PYY: variants seen among roughly 807,000 people sequenced by gnomAD.
The protein encoded by PYY is peptide tyrosine tyrosine.
PYY carries 12 observed loss-of-function variants against 10.3 expected under a neutral mutation model. That is an observed-to-expected ratio of 1.17 (90% CI 0.75 to 1.89). The LOEUF (loss-of-function observed/expected upper bound fraction) is 1.89. Ranked by LOEUF, PYY falls within the 40% of genes most tolerant of loss-of-function variation. PYY has a pLI of 0.00. For synonymous variants in PYY, 66 were observed against 62.0 expected, an observed-to-expected ratio of 1.06 and a Z score of -0.30; for missense variants, 141 against 134.0, an observed-to-expected ratio of 1.05 and a Z score of -0.26.
At chr17:43,956,672 A>C (rs1410807935), upstream of PYY, among the ~76,000 whole-genome samples, 1 of 152,136 alleles carries the variant, frequency 6.6e-6, no homozygotes, top group Non-Finnish European at 1.5e-5. Flanking sequence ...GACCCCAGCC[A>C]ACAATTCTCC....
chr17:43,986,786 T>A (rs1031704321), intron 1 of PYY, among the ~76,000 whole-genome samples: 1 of 152,210 alleles, frequency 6.6e-6, no homozygotes, highest in Non-Finnish European at 1.5e-5. Flanking sequence ...TCTGCCCACA[T>A]ACCTGCTGAC....
upstream of PYY, among the ~76,000 whole-genome samples, chr17:43,957,677 A>G (rs1468082042): frequency 1.3e-5 from 2 of 152,066 alleles, no homozygotes; most frequent in Non-Finnish European, 2.9e-5. Context: ...ATAAATACAT[A>G]AATAAATAAA....
At chr17:43,969,740 CA>C (rs1037929576) in intron 1 of PYY, among the ~76,000 whole-genome samples, 1 of 88,608 alleles carries the variant, frequency 1.1e-5, no homozygotes, top group Non-Finnish European at 2.1e-5. Context: ...CCTGTCTCTA[CA>C]AAAAAAACTT....
At position 43,963,574 on chromosome 17, in the gene PYY, G is replaced by GAA. The variant is rs1555617081; in HGVS notation, c.-218+2712_-218+2713dup. On this transcript the variant is annotated intron_variant, in intron 2 of 6. Coordinates refer to the PYY transcript ENST00000360085. ...GAAGGAAGGAAGGAAGGAAGGAAAA[G>GAA]AAAGAAAGAAAGAAAGAAAGAAAGA... Among the ~76,000 whole-genome samples, 22 of 51,338 alleles carry GAA rather than the reference G, an allele frequency of 4.3e-4. No homozygotes were observed. The South Asian group carries it at 0.015, about 36-fold the overall frequency. 33.7% of individuals were successfully genotyped at this position (51,338 alleles called of 152,430 possible).
chr17:43,975,625 G>T (rs997510351), intron 1 of PYY, among the ~76,000 whole-genome samples: 9 of 150,676 alleles, frequency 6.0e-5, no homozygotes, highest in African/African-American at 2.2e-4. Context: ...AGGCTGAGGC[G>T]GGACAATCAC....
intron 1 of PYY, among the ~76,000 whole-genome samples, chr17:43,979,030 C>A (rs982863669): frequency 6.6e-6 from 1 of 152,124 alleles, no homozygotes; most frequent in African/African-American, 2.4e-5. Flanking sequence ...TTGGGCCATG[C>A]GATGAGTGTC....
At chr17:43,983,902 T>C (rs964787229) in intron 1 of PYY, among the ~76,000 whole-genome samples, 1 of 152,184 alleles carries the variant, frequency 6.6e-6, no homozygotes, top group Non-Finnish European at 1.5e-5. Context: ...GGGCTGAGTG[T>C]TCCGAGGCGA....
intron 1 of PYY, among the ~76,000 whole-genome samples, chr17:44,001,210 G>A (rs1025751680): frequency 1.3e-5 from 2 of 152,134 alleles, no homozygotes; most frequent in African/African-American, 4.8e-5. Flanking sequence ...CGGCCAAGAA[G>A]GGCTGTATTG....
chr17:43,982,215 AC>A (rs1479278128), intron 1 of PYY, among the ~76,000 whole-genome samples: 1 of 152,128 alleles, frequency 6.6e-6, no homozygotes, highest in Non-Finnish European at 1.5e-5. Context: ...GCTAGTAAGC[AC>A]CCCCATTTCA....
intron 1 of PYY, among the ~76,000 whole-genome samples, chr17:43,985,280 A>G (rs184397926): frequency 1.2e-3 from 187 of 152,286 alleles, no homozygotes; most frequent in Middle Eastern, 3.4e-3. Flanking sequence ...GCGTGATCAT[A>G]GCTCATTGCA....
intron 1 of PYY, among the ~76,000 whole-genome samples, chr17:43,969,989 G>T (rs1471451033): frequency 1.3e-5 from 2 of 151,714 alleles, no homozygotes; most frequent in Admixed American, 6.6e-5. Flanking sequence ...TGATACATCT[G>T]CCACGGCCTC....
upstream of PYY, among the ~76,000 whole-genome samples, chr17:43,957,472 A>C (rs1312253678): frequency 6.6e-6 from 1 of 152,174 alleles, no homozygotes; most frequent in African/African-American, 2.4e-5. Context: ...AGCCTGGTCA[A>C]CATGGTGAAA....
chr17:43,986,072 C>T (rs573878887), intron 1 of PYY, among the ~76,000 whole-genome samples: 30 of 152,178 alleles, frequency 2.0e-4, no homozygotes, highest in African/African-American at 6.7e-4. Context: ...CTAGCCTGAC[C>T]AACATGGTGA....
intron 2 of PYY, among the ~76,000 whole-genome samples, chr17:43,965,789 C>CAA (rs67609128): frequency 0.038 from 1,207 of 31,494 alleles, 11 homozygotes; most frequent in Non-Finnish European, 0.044. Flanking sequence ...ATCCATCTCA[C>CAA]AAAAAAAAAA....
chr17:43,984,420 T>C (rs1270742204), intron 1 of PYY, among the ~76,000 whole-genome samples: 2 of 152,212 alleles, frequency 1.3e-5, no homozygotes, highest in Non-Finnish European at 2.9e-5. Context: ...CCAATAATTA[T>C]AATAATATCT....
intron 2 of PYY, among the ~76,000 whole-genome samples, chr17:43,959,209 CTGTATG>C (rs1270155475): frequency 6.6e-6 from 1 of 152,150 alleles, no homozygotes; most frequent in Admixed American, 6.6e-5. Context: ...TGACTAAGAC[CTGTATG>C]TGTCTTTATG....
At chr17:43,965,789 C>CAAAAAAAAAAAAAAAAAA (rs67609128) in intron 2 of PYY, among the ~76,000 whole-genome samples, 7 of 31,924 alleles carry the variant, frequency 2.2e-4, no homozygotes, top group Admixed American at 4.9e-4. Context: ...ATCCATCTCA[C>CAAAAAAAAAAAAAAAAAA]AAAAAAAAAA....
At chr17:43,994,390 C>G (rs1003822317) in intron 1 of PYY, among the ~76,000 whole-genome samples, 6 of 152,132 alleles carry the variant, frequency 3.9e-5, no homozygotes, top group African/African-American at 1.4e-4. Flanking sequence ...TTCCCCTGCC[C>G]CACTCACAGT....
intron 1 of PYY, among the ~76,000 whole-genome samples, chr17:44,001,445 T>C (rs1334276641): frequency 2.6e-5 from 4 of 152,090 alleles, no homozygotes; most frequent in Non-Finnish European, 5.9e-5. Context: ...AATGATCCTG[T>C]AGGCCTTCAA....
Sources: allele counts gnomAD v4.1 joint callset (sites outside exome capture counted in the v4.1 genomes callset), GRCh38; gene constraint gnomAD v4.1.1; transcripts MANE v1.5; gene names NCBI Gene and HGNC (gene_info 2026-07-23, HGNC 2026-07-21).